Variants in MRPS6 observed in about 807,000 individuals in gnomAD.
The protein encoded by MRPS6 is mitochondrial ribosomal protein S6.
MRPS6 carries 6 observed loss-of-function variants against 13.1 expected under a neutral mutation model. That is an observed-to-expected ratio of 0.46 (90% CI 0.25 to 0.91). The LOEUF (loss-of-function observed/expected upper bound fraction) is 0.91. Ranked by LOEUF, MRPS6 falls within the 40% of genes least tolerant of loss-of-function variation. The pLI is 0.18. For missense variants in MRPS6, 164 were observed against 155.6 expected (o/e 1.05, Z -0.29); for synonymous variants, 61 against 56.5 (o/e 1.08, Z -0.36).
chr21:34,085,341 C>T (rs764685826), intron 1 of MRPS6, among the ~76,000 whole-genome samples: 11 of 152,116 alleles, frequency 7.2e-5, no homozygotes, highest in Admixed American at 2.0e-4. Flanking sequence ...TGCATCACAC[C>T]GGGAGGCATA....
At chr21:34,115,886 A>T (rs1039202327) in intron 1 of MRPS6, among the ~76,000 whole-genome samples, 1 of 150,740 alleles carries the variant, frequency 6.6e-6, no homozygotes, top group Non-Finnish European at 1.5e-5. Context: ...TTGCATAGTC[A>T]TCCGTTCTTT....
chr21:34,138,722 C>A (rs893218630), intron 2 of MRPS6, among the ~76,000 whole-genome samples: 7 of 152,278 alleles, frequency 4.6e-5, no homozygotes, highest in African/African-American at 1.7e-4. Flanking sequence ...AATAGGAACA[C>A]TTTTACACTG....
At chr21:34,123,577 A>G (rs978176462) in intron 1 of MRPS6, 1 of 152,022 alleles carries the variant, frequency 6.6e-6, no homozygotes, top group Non-Finnish European at 1.5e-5. Flanking sequence ...AAAATATGTA[A>G]CAATAAGACA....
chr21:34,101,138 T>C, intron 1 of MRPS6: 5 of 999,836 alleles, frequency 5.0e-6, no homozygotes, highest in Non-Finnish European at 6.0e-6. Flanking sequence ...ATCAGAAAAA[T>C]GATTAAGTGA....
At chr21:34,110,307 C>A (rs747366696) in intron 1 of MRPS6, among the ~76,000 whole-genome samples, 19 of 152,060 alleles carry the variant, frequency 1.2e-4, no homozygotes, top group Non-Finnish European at 2.6e-4. Context: ...CTACAAAATA[C>A]ACAAAAGTTA....
chr21:34,130,014 T>C (rs1256086546), intron 2 of MRPS6, among the ~76,000 whole-genome samples: 1 of 152,206 alleles, frequency 6.6e-6, no homozygotes, highest in Non-Finnish European at 1.5e-5. Flanking sequence ...GCAACAAGGT[T>C]TAACTGAGAC....
At chr21:34,103,548 TAGAA>T (rs1481215497) in intron 1 of MRPS6, 1 of 1,000,054 alleles carries the variant, frequency 1.0e-6, no homozygotes, top group Non-Finnish European at 1.2e-6. Context: ...TATTCCATGA[TAGAA>T]AGCTAAAGTC....
At chr21:34,135,467 CCTT>C (rs1383376274) in intron 2 of MRPS6, 6 of 486,890 alleles carry the variant, frequency 1.2e-5, no homozygotes, top group Admixed American at 2.2e-5. Flanking sequence ...GCCAGCTCAT[CCTT>C]CTTCTTGATG....
intron 1 of MRPS6, among the ~76,000 whole-genome samples, chr21:34,117,577 T>G (rs1979970360): frequency 6.6e-6 from 1 of 152,194 alleles, no homozygotes; most frequent in African/African-American, 2.4e-5. Context: ...GGCTACCCTT[T>G]TGGAGATGGG....
At chr21:34,125,628 GT>G in intron 2 of MRPS6, 148 bp downstream of exon 2, 2 of 1,217,420 alleles carry the variant, frequency 1.6e-6, no homozygotes, top group Non-Finnish European at 2.2e-6. Context: ...GCAGTCTTGT[GT>G]TGCAGATGGG....
rs541383110 is a variant in MRPS6, at chr21:34,073,619, G to GT, written c.-81dup. 1.2e-3 allele frequency: 1,513 copies of GT among 1,251,248 alleles called. 22 individuals are homozygous for GT. In the African/African-American group the frequency reaches 0.022, roughly 18 times the overall value. 77.5% of individuals were successfully genotyped at this position (1,251,248 alleles called of 1,614,324 possible). A position where few individuals can be genotyped will look rare whatever the true frequency, so the allele number is the denominator to read the frequency against. On this transcript the variant is annotated 5_prime_UTR_variant, in exon 1 of 3. Transcript: ENST00000399312. The stretch of plus-strand genomic sequence containing the variant: ...AGCCGTCCGGCGCAGCAGTTTCTAG[G>GT]TCCCCACTGTCCCCGCCGTCCCGCC...
chr21:34,098,907 C>A, intron 1 of MRPS6: 1 of 995,598 alleles, frequency 1.0e-6, no homozygotes, highest in South Asian at 4.7e-5. Flanking sequence ...ATCTCTGATA[C>A]TTTTTAGATT....
At chr21:34,093,398 G>A (rs1169841068) in intron 1 of MRPS6, among the ~76,000 whole-genome samples, 13 of 152,146 alleles carry the variant, frequency 8.5e-5, no homozygotes, top group Admixed American at 8.5e-4. Flanking sequence ...TATCCAGGCA[G>A]TTTTTTCTGC....
Position 34,142,635 on chromosome 21 carries a change from C to A in MRPS6, c.*35C>A. The A allele has an allele frequency of 1.3e-6, 2 of 1,549,112 alleles. No homozygotes were observed. The highest frequency in any genetic ancestry group is 1.7e-6 in the Non-Finnish European group (2 of 1,151,150). On this transcript the variant is annotated 3_prime_UTR_variant, in exon 3 of 3. Transcript: ENST00000399312. The stretch of plus-strand genomic sequence containing the variant: ...CCAGATTTTAGCCTTATATGTAATT[C>A]CTTCACATTTGGGCAGCATGGACGA...
intron 2 of MRPS6, among the ~76,000 whole-genome samples, chr21:34,136,400 G>A (rs1445716369): frequency 2.6e-5 from 4 of 152,034 alleles, no homozygotes; most frequent in African/African-American, 4.8e-5. Flanking sequence ...TGCCTGCTTC[G>A]GCCTCCCAAA....
At chr21:34,114,209 C>T (rs1326372213) in intron 1 of MRPS6, among the ~76,000 whole-genome samples, 1 of 152,096 alleles carries the variant, frequency 6.6e-6, no homozygotes, top group African/African-American at 2.4e-5. Context: ...AGTAGGGTAC[C>T]TTCATTTTGG....
chr21:34,100,231 C>CTT, intron 1 of MRPS6: 1 of 1,000,178 alleles, frequency 1.0e-6, no homozygotes, highest in Non-Finnish European at 1.2e-6. Context: ...AGTTCTTAGA[C>CTT]TTTTGTCTTC....
At chr21:34,136,560 T>A (rs1408484092) in intron 2 of MRPS6, among the ~76,000 whole-genome samples, 1 of 152,220 alleles carries the variant, frequency 6.6e-6, no homozygotes, top group African/African-American at 2.4e-5. Flanking sequence ...CTCTCATGAC[T>A]AATGGCTTTA....
At chr21:34,114,828 T>C (rs1236149869) in intron 1 of MRPS6, among the ~76,000 whole-genome samples, 1 of 152,204 alleles carries the variant, frequency 6.6e-6, no homozygotes, top group African/African-American at 2.4e-5. Flanking sequence ...AACTAATATA[T>C]AGCTGACAAC....
Sources: allele counts gnomAD v4.1 joint callset (sites outside exome capture counted in the v4.1 genomes callset), GRCh38; gene constraint gnomAD v4.1.1; transcripts MANE v1.5; gene names NCBI Gene and HGNC (gene_info 2026-07-23, HGNC 2026-07-21).